Variants in PCBP3 observed in about 807,000 individuals in gnomAD.
PCBP3 encodes poly(rC)-binding protein 3.
A neutral mutation model predicts 52.7 loss-of-function variants in PCBP3; 25 were observed. The ratio of observed to expected loss-of-function variants is 0.47; its 90% CI spans 0.35 to 0.66. PCBP3 has a LOEUF of 0.66. Among genes scored for constraint, PCBP3 ranks in the 30% least tolerant of loss-of-function variants. The pLI is 0.01. For synonymous variants in PCBP3, 162 were observed against 183.0 expected (o/e 0.89, Z 0.93); for missense variants, 391 against 490.3 (o/e 0.80, Z 1.91).
Position 45,817,804 on chromosome 21 carries a change from G to T in PCBP3, c.-125-32157G>T, listed in dbSNP as rs1205993965. 1.3e-5 allele frequency among the ~76,000 whole-genome samples: 2 copies of T among 152,216 alleles called. No individual in the cohort carries two copies. The highest frequency in any genetic ancestry group is 2.9e-5 in the Non-Finnish European group (2 of 68,036). ...GGTTGGAATCAAAATCCAAAACCTT[G>T]TGGTTTCCATTTTCAGTTGATGATA... On this transcript the variant is annotated intron_variant, in intron 4 of 17. Transcript: ENST00000681687. The surrounding 1 kb of genome is among the most constrained non-coding windows in gnomAD (Gnocchi z 4.3).
intron 10 of PCBP3, 95 bp from the exon 11 acceptor site, chr21:45,910,807 G>A (rs1205821676): frequency 9.5e-6 from 12 of 1,257,602 alleles, no homozygotes; most frequent in Admixed American, 2.1e-5. Context: ...CCAAGGAAGT[G>A]TCCCCCGAGC....
intron 4 of PCBP3, among the ~76,000 whole-genome samples, chr21:45,843,994 G>C (rs186949321): frequency 6.6e-6 from 1 of 152,078 alleles, no homozygotes; most frequent in Non-Finnish European, 1.5e-5. Context: ...CCAGTTGGGC[G>C]ATTTGGGGCC....
At chr21:45,816,794 T>C (rs1330903665) in intron 4 of PCBP3, among the ~76,000 whole-genome samples, 1 of 151,336 alleles carries the variant, frequency 6.6e-6, no homozygotes, top group African/African-American at 2.4e-5. Context: ...GGTAAAAATA[T>C]AGTATAGTAA....
chr21:45,749,275 T>G (rs1268023344), intron 3 of PCBP3: 1 of 152,166 alleles, frequency 6.6e-6, no homozygotes, highest in Admixed American at 6.5e-5. Context: ...GTACTCATGG[T>G]CAAATTACCA....
At chr21:45,783,227 C>T (rs182702735) in intron 4 of PCBP3, among the ~76,000 whole-genome samples, 2 of 152,312 alleles carry the variant, frequency 1.3e-5, no homozygotes, top group Admixed American at 1.3e-4. Context: ...TGAGGCTGAG[C>T]ATCTTTCCAT....
chr21:45,932,606 G>T (rs980762041), intron 15 of PCBP3, among the ~76,000 whole-genome samples: 3 of 151,848 alleles, frequency 2.0e-5, no homozygotes, highest in African/African-American at 4.8e-5. Context: ...GCTGTCCCGA[G>T]ATGAATGAAC....
chr21:45,840,509 A>G (rs1332664956), intron 4 of PCBP3, among the ~76,000 whole-genome samples: 2 of 152,156 alleles, frequency 1.3e-5, no homozygotes, highest in Non-Finnish European at 2.9e-5. Flanking sequence ...TATTGAAGAA[A>G]GAAAAATATT....
At chr21:45,655,292 A>T (rs1006346470) in intron 1 of PCBP3, among the ~76,000 whole-genome samples, 4 of 151,816 alleles carry the variant, frequency 2.6e-5, no homozygotes, top group Non-Finnish European at 5.9e-5. Flanking sequence ...TTTCCCGAAG[A>T]TGCTGCAACA....
chr21:45,901,965 C>G (rs921031026), intron 9 of PCBP3, among the ~76,000 whole-genome samples: 17 of 152,180 alleles, frequency 1.1e-4, no homozygotes, highest in Non-Finnish European at 2.1e-4. Flanking sequence ...TGGGCAGAGG[C>G]TCTTTATTAT....
At chr21:45,832,192 A>G (rs2093467663) in intron 4 of PCBP3, among the ~76,000 whole-genome samples, 1 of 152,206 alleles carries the variant, frequency 6.6e-6, no homozygotes, top group East Asian at 1.9e-4. Context: ...ATTTTACACC[A>G]TACGGTAACT....
chr21:45,675,330 A>G (rs2081397334), intron 2 of PCBP3, among the ~76,000 whole-genome samples: 1 of 152,164 alleles, frequency 6.6e-6, no homozygotes, highest in Non-Finnish European at 1.5e-5. Flanking sequence ...GCAGGGATAG[A>G]TCTTATTTAA....
chr21:45,808,331 C>T (rs1301991518), intron 4 of PCBP3, among the ~76,000 whole-genome samples: 2 of 152,110 alleles, frequency 1.3e-5, no homozygotes, highest in East Asian at 3.9e-4. Flanking sequence ...CTACAAGGAA[C>T]TTAAACAAGT....
At chr21:45,878,594 G>A (rs774465678) in intron 5 of PCBP3, among the ~76,000 whole-genome samples, 1 of 152,206 alleles carries the variant, frequency 6.6e-6, no homozygotes, top group Non-Finnish European at 1.5e-5. Context: ...CACACACGTG[G>A]CACAGAGCTA....
rs188216170 is a variant in PCBP3 at position 45,875,214 on chromosome 21, A to G, written c.11-20994A>G. ...GGGGCCCTTCCACGCGGCGCGCTCC[A>G]GCTGACTCACCGGGCCTGGGGGCCC... On this transcript the variant is annotated intron_variant, in intron 5 of 17. Transcript: ENST00000681687. Among the ~76,000 whole-genome samples the G allele has an allele frequency of 7.0e-3, 1,048 of 149,694 alleles. 11 individuals carry two copies. The highest frequency in any genetic ancestry group is 0.024 in the African/African-American group (984 of 40,434).
At chr21:45,684,335 A>G (rs1378073801) in intron 2 of PCBP3, among the ~76,000 whole-genome samples, 4 of 152,206 alleles carry the variant, frequency 2.6e-5, no homozygotes, top group African/African-American at 4.8e-5. Flanking sequence ...TGCCATTGGT[A>G]AGGAAGGACC....
intron 2 of PCBP3, among the ~76,000 whole-genome samples, chr21:45,714,474 A>T (rs918709519): frequency 6.6e-6 from 1 of 152,210 alleles, no homozygotes; most frequent in African/African-American, 2.4e-5. Context: ...AGTCACAATG[A>T]TGAAGCTCAC....
intron 2 of PCBP3, among the ~76,000 whole-genome samples, chr21:45,687,375 C>G (rs1028693608): frequency 6.6e-6 from 1 of 152,100 alleles, no homozygotes; most frequent in African/African-American, 2.4e-5. Flanking sequence ...AGGTGAGCAT[C>G]TATCCATCAA....
At position 45,724,113 on chromosome 21, in the gene PCBP3, G is replaced by A. The variant is rs1454907093; in HGVS notation, c.-199-11279G>A. ...CAGATCTGGAGAAATTCAGAGTCAA[G>A]GCTGTCCCCCTCCTGAAGTCAGATC... On this transcript the variant is annotated intron_variant, in intron 2 of 17. Transcript: ENST00000681687. This position sits in a 1 kb window ranked among gnomAD's most constrained non-coding sequence, Gnocchi z 5.3. Among the ~76,000 whole-genome samples the A allele has an allele frequency of 1.3e-5, 2 of 152,170 alleles. No individual in the cohort carries two copies. Among genetic ancestry groups the A allele is most frequent in the African/African-American group, 2.4e-5 (1 of 41,440 alleles).
chr21:45,703,096 C>T (rs2083230507), intron 2 of PCBP3, among the ~76,000 whole-genome samples: 2 of 152,142 alleles, frequency 1.3e-5, no homozygotes, highest in South Asian at 2.1e-4. Context: ...TTCTAGTTCT[C>T]TTGCTGTTTT....
Sources: allele counts gnomAD v4.1 joint callset (sites outside exome capture counted in the v4.1 genomes callset), GRCh38; gene constraint gnomAD v4.1.1; non-coding constraint Gnocchi (gnomAD v3.1); transcripts MANE v1.5; gene names NCBI Gene and HGNC (gene_info 2026-07-23, HGNC 2026-07-21).